The following SH2B1 variants were observed in gnomAD, a reference collection of about 807,000 sequenced individuals.
The protein encoded by SH2B1 is SH2B adapter protein 1.
A neutral mutation model predicts 62.6 loss-of-function variants in SH2B1; 15 were observed. That is an observed-to-expected ratio of 0.24 (90% CI 0.16 to 0.37). SH2B1 has a LOEUF of 0.37. Ranked by LOEUF, SH2B1 falls within the 10% of genes least tolerant of loss-of-function variation. The pLI, the probability that SH2B1 is intolerant of heterozygous loss-of-function variation, is 1.00. For synonymous variants in SH2B1, 443 were observed against 438.0 expected (o/e 1.01, Z -0.14); for missense variants, 925 against 1,015.6 (o/e 0.91, Z 1.21).
intron 1 of SH2B1, among the ~76,000 whole-genome samples, chr16:28,857,098 C>T (rs562827172): frequency 2.0e-5 from 3 of 152,128 alleles, no homozygotes; most frequent in Non-Finnish European, 2.9e-5. Context: ...GCCTGGCCAA[C>T]GTGGTGGAAC....
At chr16:28,867,234 TC>T in intron 1 of SH2B1, 96 bp from the exon 2 acceptor site, 1 of 1,254,796 alleles carries the variant, frequency 8.0e-7, no homozygotes, top group South Asian at 1.2e-5. Flanking sequence ...TTGTCTAACT[TC>T]CCGAGGATGT....
intron 1 of SH2B1, among the ~76,000 whole-genome samples, chr16:28,850,365 C>G (rs1304830216): frequency 1.3e-5 from 2 of 152,176 alleles, no homozygotes; most frequent in Non-Finnish European, 2.9e-5. Flanking sequence ...TCGAGACCAG[C>G]CTGGGCAAAA....
upstream of SH2B1, chr16:28,862,515 G>A (rs1338235121): frequency 6.6e-6 from 1 of 151,050 alleles, no homozygotes; most frequent in East Asian, 1.9e-4. Context: ...GGTCAGGCTG[G>A]TCTCAAACTC....
In SH2B1 at chr16:28,865,601, G is replaced by A; in HGVS notation, c.-494G>A. 5 of 986,538 alleles carry A rather than the reference G, an allele frequency of 5.1e-6. No homozygotes were observed. Among genetic ancestry groups the A allele is most frequent in the Non-Finnish European group, 6.0e-6 (5 of 830,730 alleles). The allele number at this position is 986,538 out of a possible 1,614,324, so 61.1% of individuals were successfully genotyped here. A position where few individuals can be genotyped will look rare whatever the true frequency, so the allele number is the denominator to read the frequency against. On this transcript the variant is annotated 5_prime_UTR_variant, in exon 1 of 8. Coordinates refer to ENST00000684370, the MANE Select transcript of SH2B1 (RefSeq NM_001387430.1). Reference sequence around the variant, plus strand: ...TTCGGTTTCCTCATCTGTTCGAGAGGTCTTTGAAACCTCTCAGGGAAAGGT... The same window carrying A: ...TTCGGTTTCCTCATCTGTTCGAGAGATCTTTGAAACCTCTCAGGGAAAGGT...
chr16:28,857,484 G>T (rs755407390), intron 1 of SH2B1, among the ~76,000 whole-genome samples: 9 of 152,008 alleles, frequency 5.9e-5, no homozygotes, highest in Non-Finnish European at 5.9e-5. Flanking sequence ...AAATAGTAAA[G>T]ATGTAAATTA....
chr16:28,869,552 G>A (rs1356778518), intron 4 of SH2B1, among the ~76,000 whole-genome samples, 169 bp downstream of exon 4: 1 of 152,096 alleles, frequency 6.6e-6, no homozygotes, highest in Non-Finnish European at 1.5e-5. Flanking sequence ...CACAGCCACA[G>A]TTTGCTGTTT....
intron 2 of SH2B1, 60 bp from the exon 3 acceptor site, chr16:28,868,946 G>T: frequency 8.0e-7 from 1 of 1,244,586 alleles, no homozygotes; most frequent in Non-Finnish European, 1.2e-6. Flanking sequence ...TTCTCATTAG[G>T]CATGGATTAA....
chr16:28,861,373 C>T (rs1213936427), upstream of SH2B1, among the ~76,000 whole-genome samples: 3 of 151,998 alleles, frequency 2.0e-5, no homozygotes, highest in South Asian at 2.1e-4. Flanking sequence ...ACTCATGATG[C>T]GCCCGCCTCA....
Position 28,853,322 on chromosome 16 carries a change from G to T in SH2B1, c.-301+6495G>T, listed in dbSNP as rs1420206927. 1.7e-4 allele frequency among the ~76,000 whole-genome samples: 25 copies of T among 148,894 alleles called. 1 individual carries two copies. The Admixed American group carries it at 1.7e-3, about 10-fold the overall frequency. ...GCCAGGTTGAAGCAATTCTGCCTCA[G>T]CCTCACAAGTAGCTGGGATTACAGG... On this transcript the variant is annotated intron_variant, in intron 1 of 10. Transcript: ENST00000322610.
rs542161704 is a variant in SH2B1, at chr16:28,870,634, C to CT, written c.1310-1135dup. Among the ~76,000 whole-genome samples the CT allele has an allele frequency of 4.4e-3, 624 of 143,022 alleles. 13 individuals are homozygous for CT. Among genetic ancestry groups the CT allele is most frequent in the East Asian group, 0.021 (106 of 5,004 alleles). The allele number at this position is 143,022 out of a possible 152,430, so 93.8% of individuals were successfully genotyped here. On this transcript the variant is annotated intron_variant, in intron 4 of 7. Coordinates refer to ENST00000684370, the MANE Select transcript of SH2B1 (RefSeq NM_001387430.1). ...TGTCCTATAGTTCAACAAAGGACAC[C>CT]TTTTTTTTTTTGTTTGTGTGTTTAA...
intron 1 of SH2B1, among the ~76,000 whole-genome samples, chr16:28,855,001 G>T (rs1277042498): frequency 2.0e-5 from 3 of 149,278 alleles, no homozygotes; most frequent in Admixed American, 2.0e-4. Flanking sequence ...TCAGCCTCCT[G>T]AGTAGCTAGG....
At position 28,865,395 on chromosome 16, in the gene SH2B1, G is replaced by C; in HGVS notation, c.-700G>C. 1 of 985,656 alleles carries C rather than the reference G, an allele frequency of 1.0e-6. No homozygotes were observed. Among genetic ancestry groups the C allele is most frequent in the South Asian group, 4.7e-5 (1 of 21,286 alleles). 61.1% of individuals were successfully genotyped at this position (985,656 alleles called of 1,614,324 possible). On this transcript the variant is annotated 5_prime_UTR_variant, in exon 1 of 8. Transcript: ENST00000684370. ...CATTAATGAATCGGCCCCCTCCAAA[G>C]AGTTGGACCCTAAGATGCGTGAGGC... is the stretch of plus-strand genomic sequence containing the variant.
rs947210023 is a variant in SH2B1 at position 28,872,917 on chromosome 16, C to T, written c.1897+212C>T. The T allele has an allele frequency of 1.1e-5, 8 of 711,520 alleles. No homozygotes were observed. The highest frequency in any genetic ancestry group is 5.2e-5 in the Admixed American group (2 of 38,630). The allele number at this position is 711,520 out of a possible 1,614,324, so 44.1% of individuals were successfully genotyped here. On this transcript the variant is annotated intron_variant, in intron 7 of 7. Transcript: ENST00000684370. The surrounding 1 kb of genome is among the most constrained non-coding windows in gnomAD (Gnocchi z 5.3). The stretch of plus-strand genomic sequence containing the variant: ...AAGGCAGAAGGCTCCTGGCCGGAGC[C>T]GGGGCGGCAGCTGAGAGGTGGGCGG...
In SH2B1 at chr16:28,867,439, A is replaced by G. The variant is rs1229257123; in HGVS notation, c.1041+7A>G. On this transcript the variant is annotated splice_region_variant and intron_variant, in intron 2 of 7. Coordinates refer to ENST00000684370, the MANE Select transcript of SH2B1 (RefSeq NM_001387430.1). ...GAACACGTTTGTGGTTAAGGTAGGA[A>G]TTCAACTTCCCAGCCGCCGGCAGTG... is the stretch of plus-strand genomic sequence containing the variant. The G allele has an allele frequency of 6.2e-7, 1 of 1,606,714 alleles. No individual in the cohort carries two copies. Among genetic ancestry groups the G allele is most frequent in the East Asian group, 2.2e-5 (1 of 44,842 alleles).
Position 28,865,298 on chromosome 16 carries a change from A to G in SH2B1, c.-797A>G. 1.0e-6 allele frequency: 1 copy of G among 985,682 alleles called. No homozygotes were observed. Among genetic ancestry groups the G allele is most frequent in the Non-Finnish European group, 1.2e-6 (1 of 829,976 alleles). The allele number at this position is 985,682 out of a possible 1,614,324, so 61.1% of individuals were successfully genotyped here. On this transcript the variant is annotated 5_prime_UTR_variant, in exon 1 of 8. Transcript: ENST00000684370. ...TAGCTATTTCACATCTCCTTCACGC[A>G]GTGCGTGGGTGCTGGACTCTGGGGT...
intron 1 of SH2B1, among the ~76,000 whole-genome samples, chr16:28,854,888 T>C (rs557435098): frequency 3.9e-4 from 60 of 152,330 alleles, no homozygotes; most frequent in African/African-American, 1.3e-3. Flanking sequence ...TTTTTGTTTT[T>C]GTTTTGAGAC....
Position 28,866,114 on chromosome 16 carries a change from C to A in SH2B1, c.20C>A (p.Pro7Gln). 6.3e-7 allele frequency: 1 copy of A among 1,582,568 alleles called. No homozygotes were observed. Among genetic ancestry groups the A allele is most frequent in the East Asian group, 2.2e-5 (1 of 44,630 alleles). Residue 7 changes from proline to glutamine, a missense_variant, in exon 1 of 8, where the codon CCA becomes CAA. Transcript: ENST00000684370. The surrounding 1 kb of genome is among the most constrained non-coding windows in gnomAD (Gnocchi z 6.3). MNGAPS[P>Q]EDGASPSSPP... Reference sequence around the variant, plus strand: ...CCCATCATGAATGGTGCCCCTTCCCCAGAGGACGGGGCCTCCCCCTCGTCT... The same window carrying A: ...CCCATCATGAATGGTGCCCCTTCCCAAGAGGACGGGGCCTCCCCCTCGTCT...
Position 28,867,427 on chromosome 16 carries a change from G to A in SH2B1, c.1036G>A (p.Val346Ile), listed in dbSNP as rs372521485. The change falls in exon 2 of 8, where the codon GTT becomes ATT. Residue 346 changes from valine (V) to isoleucine (I), a missense_variant. Transcript: ENST00000684370. Reference protein sequence around the residue: ...EMPDRENTFVVKVEGPSEYIM... With the variant: ...EMPDRENTFVIKVEGPSEYIM... Reference sequence around the variant, plus strand: ...GCCTGACCGGGAGAACACGTTTGTGGTTAAGGTAGGAATTCAACTTCCCAG... The same window carrying A: ...GCCTGACCGGGAGAACACGTTTGTGATTAAGGTAGGAATTCAACTTCCCAG... 8 of 1,612,584 alleles carry A rather than the reference G, an allele frequency of 5.0e-6. No individual in the cohort carries two copies. Among genetic ancestry groups the A allele is most frequent in the Non-Finnish European group, 6.8e-6 (8 of 1,178,586 alleles).
intron 1 of SH2B1, among the ~76,000 whole-genome samples, chr16:28,851,862 T>C (rs946937523): frequency 3.1e-4 from 46 of 147,984 alleles, no homozygotes; most frequent in South Asian, 2.9e-3. Flanking sequence ...AGGTCAGGAG[T>C]TCGAGACCAG....
Sources: gnomAD v4.1 joint callset for allele counts (sites outside exome capture counted in the v4.1 genomes callset) on GRCh38, gnomAD v4.1.1 for gene constraint, Gnocchi (gnomAD v3.1) non-coding constraint, MANE v1.5 for transcripts, NCBI Gene and HGNC (gene_info 2026-07-23, HGNC 2026-07-21) for gene names.